Variants in SGCZ observed in about 807,000 individuals in gnomAD.
SGCZ encodes zeta-sarcoglycan.
Under a neutral mutation model 41.3 loss-of-function variants are expected in SGCZ, and 40 were observed. The ratio of observed to expected loss-of-function variants is 0.97; its 90% confidence interval spans 0.75 to 1.26. The LOEUF (loss-of-function observed/expected upper bound fraction) is 1.26. Among genes scored for constraint, SGCZ ranks in the 50% most tolerant of loss-of-function variants. SGCZ has a pLI of 0.00. For synonymous variants in SGCZ, 206 were observed against 137.5 expected (o/e 1.50, Z -3.49); for missense variants, 552 against 369.8 (o/e 1.49, Z -4.04).
Position 14,806,242 on chromosome 8 carries a change from G to A in SGCZ, c.40-251316C>T, listed in dbSNP as rs968588405. On this transcript the variant is annotated intron_variant, in intron 1 of 7. Transcript: ENST00000382080. ...AAATAACTAAAATCAGAGCAGAACTGAAGGAAATAGAGACATAAAAAACCC... is the reference window on the plus strand; with the variant it reads ...AAATAACTAAAATCAGAGCAGAACTAAAGGAAATAGAGACATAAAAAACCC... Among the ~76,000 whole-genome samples, 146 of 151,402 alleles carry A rather than the reference G, an allele frequency of 9.6e-4. 1 individual carries two copies. Among genetic ancestry groups the A allele is most frequent in the Middle Eastern group, 3.4e-3 (1 of 292 alleles).
At position 15,206,623 on chromosome 8, in the gene SGCZ, C is replaced by G. The variant is rs375029118; in HGVS notation, c.39+30962G>C. Among the ~76,000 whole-genome samples the G allele has an allele frequency of 3.3e-5, 5 of 152,020 alleles. No homozygotes were observed. The East Asian group carries it at 9.7e-4, about 30-fold the overall frequency. On this transcript the variant is annotated intron_variant, in intron 1 of 7. Transcript: ENST00000382080. ...GCCACCACACTTGGCTAATTTTTCT[C>G]TTTTCAGTAGAGACGGTGTTTCACC...
chr8:14,650,874 T>C (rs1807375755), intron 1 of SGCZ, among the ~76,000 whole-genome samples: 1 of 152,084 alleles, frequency 6.6e-6, no homozygotes, highest in Non-Finnish European at 1.5e-5. Flanking sequence ...ATATGAATGA[T>C]AAAATTTTAC....
intron 2 of SGCZ, among the ~76,000 whole-genome samples, chr8:14,509,927 G>A (rs55961719): frequency 0.19 from 29,013 of 151,802 alleles, 3,368 homozygotes; most frequent in Non-Finnish European, 0.25. Flanking sequence ...GGGGGGACAC[G>A]TCCCCCATGA....
intron 1 of SGCZ, among the ~76,000 whole-genome samples, chr8:14,659,622 A>C (rs924706674): frequency 6.6e-6 from 1 of 152,142 alleles, no homozygotes; most frequent in Non-Finnish European, 1.5e-5. Flanking sequence ...AAATAGCTCA[A>C]CATTTTAAAC....
At chr8:15,080,971 G>A (rs536082729) in intron 1 of SGCZ, among the ~76,000 whole-genome samples, 19 of 152,144 alleles carry the variant, frequency 1.2e-4, no homozygotes, top group African/African-American at 3.9e-4. Flanking sequence ...GACACAGGGA[G>A]GAGAAGGCGG....
At chr8:14,973,449 G>A (rs1801364053) in intron 1 of SGCZ, among the ~76,000 whole-genome samples, 1 of 152,162 alleles carries the variant, frequency 6.6e-6, no homozygotes. Context: ...GTCCTACTCA[G>A]TACTGCTCCC....
At position 15,035,303 on chromosome 8, in the gene SGCZ, T is replaced by C. The variant is rs76606765; in HGVS notation, c.39+202282A>G. On this transcript the variant is annotated intron_variant, in intron 1 of 7. Transcript: ENST00000382080. ...AGCCTGTTGTAACTATAAAATGCTT[T>C]ATATAAGCTTCATAGTAACCATAAA... Among the ~76,000 whole-genome samples the C allele has an allele frequency of 8.1e-3, 1,240 of 152,222 alleles. 58 individuals carry two copies. In the East Asian group the frequency reaches 0.16, roughly 19 times the overall value.
At chr8:14,195,297 C>T (rs186878447) in intron 4 of SGCZ, among the ~76,000 whole-genome samples, 3 of 152,106 alleles carry the variant, frequency 2.0e-5, no homozygotes, top group East Asian at 3.9e-4. Flanking sequence ...ACGGAGAATA[C>T]GCTGAAAAGG....
At chr8:15,165,183 AG>A (rs1442849074) in intron 1 of SGCZ, among the ~76,000 whole-genome samples, 1 of 152,078 alleles carries the variant, frequency 6.6e-6, no homozygotes, top group Non-Finnish European at 1.5e-5. Context: ...CCAGCTACTC[AG>A]GAGGCTGAGG....
chr8:14,991,119 GC>G (rs1241622593), intron 1 of SGCZ, among the ~76,000 whole-genome samples: 11 of 152,026 alleles, frequency 7.2e-5, no homozygotes, highest in African/African-American at 2.7e-4. Context: ...TAACATTTTG[GC>G]AAGCATAAGG....
At chr8:14,313,774 G>C (rs1015917185) in intron 3 of SGCZ, among the ~76,000 whole-genome samples, 1 of 152,146 alleles carries the variant, frequency 6.6e-6, no homozygotes, top group Non-Finnish European at 1.5e-5. Context: ...GAAATAGGTT[G>C]TTATTCACAC....
intron 1 of SGCZ, among the ~76,000 whole-genome samples, chr8:15,010,590 A>G (rs1305221653): frequency 1.3e-5 from 2 of 152,210 alleles, no homozygotes; most frequent in African/African-American, 4.8e-5. Flanking sequence ...CGCTTAGACA[A>G]TGGCCACAAC....
At chr8:14,353,262 AC>A (rs1314027537) in intron 2 of SGCZ, among the ~76,000 whole-genome samples, 5 of 152,088 alleles carry the variant, frequency 3.3e-5, no homozygotes, top group Non-Finnish European at 5.9e-5. Flanking sequence ...AGAAACTAAC[AC>A]AAAAATATTA....
rs115059638 is a variant in SGCZ, at chr8:15,157,021, T to C, written c.39+80564A>G. On this transcript the variant is annotated intron_variant, in intron 1 of 7. Coordinates refer to ENST00000382080, the MANE Select transcript of SGCZ (RefSeq NM_139167.4). ...ACTTCTCAAATATTCTCAAATAGTT[T>C]CTTTTCTCTGGGAATCTTTCATGAA... 6.1e-3 allele frequency among the ~76,000 whole-genome samples: 923 copies of C among 151,874 alleles called. 12 individuals are homozygous for C. Among genetic ancestry groups the C allele is most frequent in the African/African-American group, 0.021 (856 of 41,394 alleles).
intron 2 of SGCZ, among the ~76,000 whole-genome samples, chr8:14,343,861 T>A (rs977001582): frequency 6.6e-6 from 1 of 151,874 alleles, no homozygotes; most frequent in African/African-American, 2.4e-5. Context: ...GAAACACCTA[T>A]CACACCAAGA....
intron 4 of SGCZ, among the ~76,000 whole-genome samples, chr8:14,220,806 C>CAAACAAAG: frequency 6.8e-6 from 1 of 146,850 alleles, no homozygotes; most frequent in East Asian, 2.0e-4. Flanking sequence ...AACAAACAAA[C>CAAACAAAG]AAAATAATCG....
chr8:15,077,702 T>A (rs1805590714), intron 1 of SGCZ, among the ~76,000 whole-genome samples: 1 of 152,186 alleles, frequency 6.6e-6, no homozygotes, highest in Non-Finnish European at 1.5e-5. Context: ...TGGGAAAACT[T>A]TCAAATTAGT....
In SGCZ at chr8:14,131,596, A is replaced by T. The variant is rs189175916; in HGVS notation, c.548-23361T>A. Among the ~76,000 whole-genome samples, 433 of 152,230 alleles carry T rather than the reference A, an allele frequency of 2.8e-3. 1 individual carries two copies. Among genetic ancestry groups the T allele is most frequent in the Non-Finnish European group, 5.0e-3 (339 of 68,014 alleles). ...TTTGTTTTTGCCAGCTTGATTAAAA[A>T]GTGTCTTGTCTGACTATCTTTCAGT... On this transcript the variant is annotated intron_variant, in intron 5 of 7. Transcript: ENST00000382080.
At chr8:14,901,024 A>G (rs1006536915) in intron 1 of SGCZ, among the ~76,000 whole-genome samples, 3 of 152,212 alleles carry the variant, frequency 2.0e-5, no homozygotes, top group Admixed American at 2.0e-4. Flanking sequence ...TAATACCAAG[A>G]TATTCTAATA....
Sources: allele counts gnomAD v4.1 joint callset (sites outside exome capture counted in the v4.1 genomes callset), GRCh38; gene constraint gnomAD v4.1.1; transcripts MANE v1.5; gene names NCBI Gene and HGNC (gene_info 2026-07-23, HGNC 2026-07-21).